Variants in APBB1IP observed in about 807,000 individuals in gnomAD.
The protein encoded by APBB1IP is amyloid beta A4 precursor protein-binding family B member 1-interacting protein.
In APBB1IP, 27 loss-of-function variants were observed where a neutral mutation model predicts 64.9. The observed-to-expected ratio is 0.42, with a 90% CI of 0.31 to 0.57. The LOEUF (loss-of-function observed/expected upper bound fraction) is 0.57. Ranked by LOEUF, APBB1IP falls within the 20% of genes least tolerant of loss-of-function variation. APBB1IP has a pLI of 0.20. For missense variants in APBB1IP, 812 were observed against 845.5 expected (o/e 0.96, Z 0.49); for synonymous variants, 392 against 331.0 (o/e 1.18, Z -2.00).
At chr10:26,538,352 C>T (rs890215570) in intron 10 of APBB1IP, among the ~76,000 whole-genome samples, 2 of 151,190 alleles carry the variant, frequency 1.3e-5, no homozygotes, top group African/African-American at 4.9e-5. Context: ...AGAAAGGTAC[C>T]ATGTTGCAGG....
chr10:26,562,156 T>A (rs1449469558), intron 13 of APBB1IP, 170 bp from the exon 14 acceptor site: 1 of 550,936 alleles, frequency 1.8e-6, no homozygotes, highest in Non-Finnish European at 3.3e-6. Flanking sequence ...ATGCCATGCC[T>A]GTGAGTTGCT....
chr10:26,459,089 C>T (rs530949532), intron 2 of APBB1IP, among the ~76,000 whole-genome samples: 2 of 109,976 alleles, frequency 1.8e-5, no homozygotes, highest in Non-Finnish European at 3.6e-5. Flanking sequence ...TCCCTCCCCC[C>T]TCCCCCCACC....
At chr10:26,461,953 C>T (rs904443111) in intron 2 of APBB1IP, among the ~76,000 whole-genome samples, 2 of 152,184 alleles carry the variant, frequency 1.3e-5, no homozygotes, top group African/African-American at 4.8e-5. Context: ...CTACTATTCA[C>T]ACTACAATTC....
chr10:26,547,079 CATAGCCATTCTAATTGGGATG>C (rs2132473773), intron 11 of APBB1IP, among the ~76,000 whole-genome samples: 1 of 152,276 alleles, frequency 6.6e-6, no homozygotes, highest in East Asian at 1.9e-4. Flanking sequence ...GTCCTTTTAT[CATAGCCATTCTAATTGGGATG>C]ATGCAAAATC....
At chr10:26,519,716 T>C (rs1368824556) in intron 8 of APBB1IP, among the ~76,000 whole-genome samples, 2 of 152,278 alleles carry the variant, frequency 1.3e-5, no homozygotes, top group East Asian at 3.8e-4. Flanking sequence ...CCAACTTTTA[T>C]ACATTCTCCT....
At chr10:26,476,196 T>C (rs569905532) in intron 2 of APBB1IP, among the ~76,000 whole-genome samples, 6 of 151,818 alleles carry the variant, frequency 4.0e-5, no homozygotes, top group Non-Finnish European at 8.8e-5. Context: ...GCAGCTGGGA[T>C]TACAGATGCC....
intron 11 of APBB1IP, among the ~76,000 whole-genome samples, chr10:26,549,505 C>G (rs1173889235): frequency 6.6e-6 from 1 of 151,948 alleles, no homozygotes; most frequent in African/African-American, 2.4e-5. Flanking sequence ...CATTGTTGGT[C>G]TTTTTAGGTT....
chr10:26,468,377 G>A (rs1835672173), intron 2 of APBB1IP, among the ~76,000 whole-genome samples: 1 of 152,160 alleles, frequency 6.6e-6, no homozygotes, highest in Non-Finnish European at 1.5e-5. Context: ...TTCAAGGTAT[G>A]AATTCTAGCA....
intron 11 of APBB1IP, among the ~76,000 whole-genome samples, chr10:26,553,720 C>A (rs1003271410): frequency 1.3e-5 from 2 of 152,148 alleles, no homozygotes; most frequent in African/African-American, 4.8e-5. Flanking sequence ...CATCGGTAAA[C>A]AAAACAAAGG....
chr10:26,534,139 G>A (rs1240467628), intron 9 of APBB1IP, among the ~76,000 whole-genome samples: 2 of 151,892 alleles, frequency 1.3e-5, no homozygotes, highest in African/African-American at 2.4e-5. Flanking sequence ...AACCTCTAAT[G>A]AGTTTTCACA....
At chr10:26,451,974 G>A (rs1033149752) in intron 2 of APBB1IP, among the ~76,000 whole-genome samples, 12 of 152,164 alleles carry the variant, frequency 7.9e-5, no homozygotes, top group African/African-American at 2.9e-4. Flanking sequence ...CTGGTTTTAA[G>A]GATGGTTAGA....
intron 8 of APBB1IP, among the ~76,000 whole-genome samples, chr10:26,522,964 A>G (rs1413805950): frequency 7.2e-6 from 1 of 139,074 alleles, no homozygotes; most frequent in East Asian, 2.3e-4. Flanking sequence ...ACATCGTGCC[A>G]TTGCACTCCA....
At chr10:26,476,316 G>A (rs1282869932) in intron 2 of APBB1IP, among the ~76,000 whole-genome samples, 2 of 151,428 alleles carry the variant, frequency 1.3e-5, no homozygotes, top group Non-Finnish European at 2.9e-5. Flanking sequence ...GCATGGTGGT[G>A]TGCACCTGTA....
intron 2 of APBB1IP, among the ~76,000 whole-genome samples, chr10:26,476,446 C>CAAAAAAA (rs58548133): frequency 2.4e-4 from 19 of 78,124 alleles, no homozygotes; most frequent in East Asian, 8.0e-4. Context: ...GACCCTGTCT[C>CAAAAAAA]AAAAAAAAAA....
At position 26,541,658 on chromosome 10, in the gene APBB1IP, A is replaced by T. The variant is rs914944247; in HGVS notation, c.1121A>T (p.Tyr374Phe). The T allele has an allele frequency of 7.4e-6, 12 of 1,611,750 alleles. No homozygotes were observed. Among genetic ancestry groups the T allele is most frequent in the Non-Finnish European group, 1.0e-5 (12 of 1,179,158 alleles). ...TATGGGACTCAGCATAAAATGAAATATAAAGCGCCCACTGACTATTGCTTT... is the reference window on the plus strand; with the variant it reads ...TATGGGACTCAGCATAAAATGAAATTTAAAGCGCCCACTGACTATTGCTTT... Reference protein sequence around the residue: ...IYYGTQHKMKYKAPTDYCFVL... With the variant: ...IYYGTQHKMKFKAPTDYCFVL... The change falls in exon 11 of 15, where the codon TAT (tyrosine) becomes TTT (phenylalanine). Residue 374 changes from tyrosine to phenylalanine, a missense_variant. Physicochemically the swap from Tyr to Phe is conservative, Grantham distance 22 (BLOSUM62 3). Transcript: ENST00000376236.
chr10:26,489,085 C>T (rs1335031360), intron 2 of APBB1IP, among the ~76,000 whole-genome samples: 2 of 152,218 alleles, frequency 1.3e-5, no homozygotes, highest in Non-Finnish European at 2.9e-5. Flanking sequence ...TGCAAGACAC[C>T]TCCTACACTG....
At chr10:26,541,456 T>C in intron 10 of APBB1IP, 126 bp from the exon 11 acceptor site, 1 of 702,346 alleles carries the variant, frequency 1.4e-6, no homozygotes, top group South Asian at 1.8e-5. Context: ...GATGTTTATA[T>C]AAATTACCTA....
At chr10:26,453,828 A>C (rs867781920) in intron 2 of APBB1IP, among the ~76,000 whole-genome samples, 1 of 152,202 alleles carries the variant, frequency 6.6e-6, no homozygotes, top group Non-Finnish European at 1.5e-5. Context: ...AAAAACGATA[A>C]ATAGATCTAC....
chr10:26,469,378 A>G (rs539618431), intron 2 of APBB1IP, among the ~76,000 whole-genome samples: 1 of 145,214 alleles, frequency 6.9e-6, no homozygotes, highest in South Asian at 2.2e-4. Flanking sequence ...CCCAACCTCA[A>G]CCTCCTGAAT....
Sources: gnomAD v4.1 joint callset for allele counts (sites outside exome capture counted in the v4.1 genomes callset) on GRCh38, gnomAD v4.1.1 for gene constraint, MANE v1.5 for transcripts, NCBI Gene and HGNC (gene_info 2026-07-23, HGNC 2026-07-21) for gene names.